PTPRC: variants seen among roughly 807,000 people sequenced by gnomAD.
PTPRC encodes protein tyrosine phosphatase receptor type C, also known as receptor-type tyrosine-protein phosphatase C.
A neutral mutation model predicts 155.9 loss-of-function variants in PTPRC; 44 were observed. That is an observed-to-expected ratio of 0.28 (90% CI 0.22 to 0.36). The LOEUF is 0.36. Ranked by LOEUF, PTPRC falls within the 10% of genes least tolerant of loss-of-function variation. PTPRC has a pLI of 1.00. For missense variants in PTPRC, 1,401 were observed against 1,564.6 expected (o/e 0.90, Z 1.76); for synonymous variants, 525 against 533.1 (o/e 0.98, Z 0.21).
At chr1:198,750,270 GT>G (rs1655319870) in intron 28 of PTPRC, 1 of 558,246 alleles carries the variant, frequency 1.8e-6, no homozygotes, top group Non-Finnish European at 3.1e-6. Flanking sequence ...CGCAAGATAT[GT>G]TGTAATCTTG....
intron 2 of PTPRC, among the ~76,000 whole-genome samples, chr1:198,672,904 A>G (rs1340311916): frequency 6.6e-6 from 1 of 152,202 alleles, no homozygotes; most frequent in Non-Finnish European, 1.5e-5. Context: ...TGAAAGCTCT[A>G]TAATAATTCC....
chr1:198,708,978 C>A (rs1418823535), intron 10 of PTPRC, among the ~76,000 whole-genome samples: 2 of 152,298 alleles, frequency 1.3e-5, no homozygotes, highest in Non-Finnish European at 2.9e-5. Context: ...TGGGTGTAAT[C>A]ATCACCTAAT....
intron 2 of PTPRC, among the ~76,000 whole-genome samples, chr1:198,669,592 A>G (rs1185006068): frequency 6.6e-6 from 1 of 152,150 alleles, no homozygotes; most frequent in Non-Finnish European, 1.5e-5. Context: ...TCCCACCGAC[A>G]TGGAATCCAC....
At chr1:198,665,162 T>G (rs1006429850) in intron 2 of PTPRC, among the ~76,000 whole-genome samples, 7 of 134,918 alleles carry the variant, frequency 5.2e-5, no homozygotes, top group Middle Eastern at 3.5e-3. Context: ...CAATCGCGGC[T>G]CACTGCAAGC....
chr1:198,670,734 T>C (rs1306607757), intron 2 of PTPRC, among the ~76,000 whole-genome samples: 1 of 152,182 alleles, frequency 6.6e-6, no homozygotes, highest in Non-Finnish European at 1.5e-5. Context: ...TTTTTTCATG[T>C]GGTGTGAATA....
chr1:198,642,915 T>C lies in PTPRC; in HGVS notation c.73+3574T>C, dbSNP rs538108839. Among the ~76,000 whole-genome samples the C allele has an allele frequency of 2.2e-3, 307 of 138,604 alleles. 1 individual carries two copies. Among genetic ancestry groups the C allele is most frequent in the Middle Eastern group, 7.2e-3 (2 of 278 alleles). The allele number at this position is 138,604 out of a possible 152,430, so 90.9% of individuals were successfully genotyped here. A position where few individuals can be genotyped will look rare whatever the true frequency, so the allele number is the denominator to read the frequency against. On this transcript the variant is annotated intron_variant, in intron 2 of 32. Transcript: ENST00000442510. ...TCTTTTCTTTCTTTCTTCCTTTCTT[T>C]CTTTCTTTCTTTCTTTCTTTCTTTC...
At chr1:198,744,284 C>G (rs1655042790) in intron 26 of PTPRC, 81 bp downstream of exon 26, 1 of 1,352,336 alleles carries the variant, frequency 7.4e-7, no homozygotes, top group South Asian at 1.2e-5. Context: ...TTGCTATGCA[C>G]TTGACATAGT....
At chr1:198,654,342 C>T (rs768496332) in intron 2 of PTPRC, among the ~76,000 whole-genome samples, 90 of 151,632 alleles carry the variant, frequency 5.9e-4, no homozygotes, top group Non-Finnish European at 1.1e-3. Flanking sequence ...TTATTTTCTT[C>T]TGATTTAAAA....
intron 17 of PTPRC, among the ~76,000 whole-genome samples, chr1:198,729,457 G>T (rs540260045): frequency 6.6e-6 from 1 of 152,200 alleles, no homozygotes; most frequent in East Asian, 1.9e-4. Context: ...TGCCCAAGCT[G>T]GTCTTGAACT....
At chr1:198,692,835 T>C (rs752656557) in intron 3 of PTPRC, 4 of 900,384 alleles carry the variant, frequency 4.4e-6, no homozygotes, top group Non-Finnish European at 4.0e-6. Context: ...TTTGAGACTA[T>C]TGAGATATTT....
chr1:198,661,738 T>A (rs755970129), intron 2 of PTPRC, among the ~76,000 whole-genome samples: 1 of 152,160 alleles, frequency 6.6e-6, no homozygotes, highest in Non-Finnish European at 1.5e-5. Context: ...TTCTTATCCT[T>A]ACCGCAGCAT....
At position 198,648,977 on chromosome 1, in the gene PTPRC, T is replaced by C. The variant is rs537662276; in HGVS notation, c.73+9636T>C. Reference sequence around the variant, plus strand: ...TGACCTTTGTTAAACACTTTGATCATGGAAAACACATAAGGTTCTCATCTT... The same window carrying C: ...TGACCTTTGTTAAACACTTTGATCACGGAAAACACATAAGGTTCTCATCTT... On this transcript the variant is annotated intron_variant, in intron 2 of 32. Coordinates refer to ENST00000442510, the MANE Select transcript of PTPRC (RefSeq NM_002838.5). Among the ~76,000 whole-genome samples, 54 of 151,972 alleles carry C rather than the reference T, an allele frequency of 3.6e-4. 1 individual carries two copies. The highest frequency in any genetic ancestry group is 1.2e-3 in the African/African-American group (51 of 41,510).
chr1:198,750,549 G>A lies in PTPRC; in HGVS notation c.3130G>A (p.Gly1044Ser), dbSNP rs535347024. Residue 1044 changes from glycine to serine, a missense_variant, in exon 29 of 33, where the codon GGT becomes AGT. This residue lies in a region of PTPRC where 400 missense variants were observed against 389.5 expected (regional missense o/e 1.03). Coordinates refer to ENST00000442510, the MANE Select transcript of PTPRC (RefSeq NM_002838.5). ...AAQGPLKETI[G>S]DFWQMIFQRK... ...TCAGGGACCACTGAAGGAGACCATT[G>A]GTGACTTTTGGCAGATGATCTTCCA... 4.3e-6 allele frequency: 7 copies of A among 1,612,100 alleles called. No individual in the cohort carries two copies. In the Admixed American group the frequency reaches 1.0e-4, roughly 23 times the overall value.
At chr1:198,673,440 T>A (rs1197821841) in intron 2 of PTPRC, among the ~76,000 whole-genome samples, 2 of 152,204 alleles carry the variant, frequency 1.3e-5, no homozygotes, top group African/African-American at 4.8e-5. Flanking sequence ...ATTATTACAA[T>A]GATTCAGGAA....
Position 198,728,368 on chromosome 1 carries a change from G to C in PTPRC, c.1749G>C (p.Leu583=), listed in dbSNP as rs1468094237. ...ATTCTAAGGCACTGATAGCATTTCT[G>C]GCATTTCTGATTATTGTGACATCAA... ...SYNSKALIAF[L]AFLIIVTSIA... Residue 583 remains leucine, a synonymous_variant, in exon 16 of 33, where the codon CTG becomes CTC. Transcript: ENST00000442510. The C allele has an allele frequency of 2.5e-6, 4 of 1,612,616 alleles. No homozygotes were observed. The African/African-American group carries it at 5.3e-5, about 22-fold the overall frequency.
intron 2 of PTPRC, chr1:198,679,103 T>C: frequency 5.3e-6 from 1 of 189,710 alleles, no homozygotes; most frequent in Non-Finnish European, 1.1e-5. Context: ...GCTTGGGGCC[T>C]CTGGGACAGT....
intron 12 of PTPRC, among the ~76,000 whole-genome samples, chr1:198,714,886 C>T (rs1399885903): frequency 6.6e-6 from 1 of 151,932 alleles, no homozygotes; most frequent in South Asian, 2.1e-4. Flanking sequence ...TTTTCAGTGT[C>T]TCTAAAAGAG....
intron 22 of PTPRC, among the ~76,000 whole-genome samples, chr1:198,734,689 T>C (rs1388175925): frequency 6.6e-6 from 1 of 151,788 alleles, no homozygotes; most frequent in Non-Finnish European, 1.5e-5. Context: ...CTTTGCAGTA[T>C]TGTTATAAGT....
intron 2 of PTPRC, among the ~76,000 whole-genome samples, chr1:198,643,187 C>CT (rs1553229250): frequency 6.6e-6 from 1 of 151,506 alleles, no homozygotes; most frequent in East Asian, 1.9e-4. Context: ...TCAATCTGCT[C>CT]TTTTTTGTGA....
Sources: allele counts gnomAD v4.1 joint callset (sites outside exome capture counted in the v4.1 genomes callset), GRCh38; gene constraint gnomAD v4.1.1; regional missense constraint gnomAD v4.1.1; transcripts MANE v1.5; gene names NCBI Gene and HGNC (gene_info 2026-07-23, HGNC 2026-07-21).